Variants in TFDP1 observed in about 807,000 individuals in gnomAD.
The protein encoded by TFDP1 is DRTF1-polypeptide 1.
Under a neutral mutation model 48.0 loss-of-function variants are expected in TFDP1, and 6 were observed. That is an observed-to-expected ratio of 0.13 (90% CI 0.07 to 0.25). The LOEUF (loss-of-function observed/expected upper bound fraction) is 0.25. Among genes scored for constraint, TFDP1 ranks in the 10% least tolerant of loss-of-function variants. The probability of loss-of-function intolerance (pLI) is 1.00; values close to 1 mark genes in which losing one functional copy is unlikely to be tolerated. For synonymous variants in TFDP1, 201 were observed against 211.6 expected, an observed-to-expected ratio of 0.95 and a Z score of 0.44; for missense variants, 335 against 543.0, an observed-to-expected ratio of 0.62 and a Z score of 3.81.
intron 5 of TFDP1, among the ~76,000 whole-genome samples, chr13:113,632,198 C>CT (rs1399266659): frequency 3.9e-5 from 6 of 152,258 alleles, no homozygotes; most frequent in African/African-American, 1.4e-4. Context: ...AAAGCAAGAT[C>CT]TGATGAGCTG....
chr13:113,636,505 GTCTT>G (rs1455297498), intron 9 of TFDP1, 25 bp from the exon 10 acceptor site: 3 of 1,610,122 alleles, frequency 1.9e-6, no homozygotes, highest in African/African-American at 1.3e-5. Context: ...GGGAGACCCT[GTCTT>G]TCTGACTGTG....
At chr13:113,588,528 C>T (rs2048060239) in intron 2 of TFDP1, among the ~76,000 whole-genome samples, 1 of 152,192 alleles carries the variant, frequency 6.6e-6, no homozygotes, top group Non-Finnish European at 1.5e-5. Context: ...GAGGTCAGTC[C>T]TCTGGGGGTG....
chr13:113,634,844 T>C (rs1428942238), intron 8 of TFDP1, among the ~76,000 whole-genome samples: 1 of 151,588 alleles, frequency 6.6e-6, no homozygotes, highest in Non-Finnish European at 1.5e-5. Flanking sequence ...TGTGTGTGCA[T>C]GTGCCTGTGT....
intron 3 of TFDP1, among the ~76,000 whole-genome samples, chr13:113,616,154 G>C (rs1472204124): frequency 6.7e-6 from 1 of 149,700 alleles, no homozygotes; most frequent in East Asian, 2.0e-4. Context: ...AGTGAGCTGA[G>C]ATTGCTCCAC....
At chr13:113,629,203 C>T (rs1377217731) in intron 4 of TFDP1, among the ~76,000 whole-genome samples, 1 of 152,232 alleles carries the variant, frequency 6.6e-6, no homozygotes, top group Non-Finnish European at 1.5e-5. Context: ...CCCAGCACTG[C>T]ATGGGCCGGA....
intron 2 of TFDP1, among the ~76,000 whole-genome samples, chr13:113,589,997 A>G (rs1172623687): frequency 2.6e-5 from 4 of 152,222 alleles, no homozygotes; most frequent in Non-Finnish European, 4.4e-5. Flanking sequence ...TTCATCAAAC[A>G]TTACAGGGAT....
At chr13:113,590,743 G>A (rs1194447656) in intron 2 of TFDP1, among the ~76,000 whole-genome samples, 1 of 152,114 alleles carries the variant, frequency 6.6e-6, no homozygotes, top group Non-Finnish European at 1.5e-5. Context: ...GGGCGCAGTG[G>A]CTCACGCCTG....
intron 11 of TFDP1, among the ~76,000 whole-genome samples, chr13:113,638,800 TA>T (rs1452179541): frequency 6.6e-6 from 1 of 152,244 alleles, no homozygotes; most frequent in African/African-American, 2.4e-5. Context: ...ATGATTTTAT[TA>T]ACTTTTATAT....
At chr13:113,630,617 A>G (rs4150767) in intron 4 of TFDP1, among the ~76,000 whole-genome samples, 1 of 152,212 alleles carries the variant, frequency 6.6e-6, no homozygotes, top group African/African-American at 2.4e-5. Context: ...TCGCTGAGGC[A>G]CTTTGATTTG....
chr13:113,620,150 G>T (rs145607678), intron 3 of TFDP1, among the ~76,000 whole-genome samples: 5 of 152,190 alleles, frequency 3.3e-5, no homozygotes, highest in Non-Finnish European at 5.9e-5. Flanking sequence ...CAGGCCAGCC[G>T]GCCGGCCTGT....
intron 11 of TFDP1, among the ~76,000 whole-genome samples, chr13:113,639,727 G>T (rs1390425556): frequency 6.6e-6 from 1 of 152,220 alleles, no homozygotes; most frequent in African/African-American, 2.4e-5. Context: ...ACTCCATCCT[G>T]TCCTGCCCCG....
At chr13:113,631,595 C>T (rs1331841616) in intron 4 of TFDP1, 28 bp from the exon 5 acceptor site, 1 of 1,608,082 alleles carries the variant, frequency 6.2e-7, no homozygotes, top group South Asian at 1.1e-5. Flanking sequence ...AGGGGACTGA[C>T]TGTCTGAATT....
chr13:113,637,372 A>C, intron 10 of TFDP1: 2 of 347,472 alleles, frequency 5.8e-6, no homozygotes, highest in Middle Eastern at 1.0e-3. Flanking sequence ...ATCTTGTGAA[A>C]ATCTGGCTGG....
intron 3 of TFDP1, among the ~76,000 whole-genome samples, chr13:113,616,044 A>T (rs1368349555): frequency 6.6e-6 from 1 of 151,860 alleles, no homozygotes; most frequent in African/African-American, 2.4e-5. Context: ...CTCCACTAAA[A>T]ATATAAAAAT....
intron 4 of TFDP1, among the ~76,000 whole-genome samples, 183 bp from the exon 5 acceptor site, chr13:113,631,440 G>A (rs999128146): frequency 5.3e-5 from 8 of 152,192 alleles, no homozygotes; most frequent in Non-Finnish European, 1.2e-4. Context: ...TTCAGAACCG[G>A]TGGGGTGATG....
At chr13:113,614,152 ATG>A (rs376558205) in intron 3 of TFDP1, among the ~76,000 whole-genome samples, 20 of 148,602 alleles carry the variant, frequency 1.3e-4, no homozygotes, top group Admixed American at 3.3e-4. Context: ...GTGCGTGTGC[ATG>A]TGTGTGTGTT....
intron 2 of TFDP1, among the ~76,000 whole-genome samples, chr13:113,593,092 C>A (rs1222450329): frequency 6.9e-6 from 1 of 145,294 alleles, no homozygotes; most frequent in African/African-American, 2.6e-5. Context: ...GGTCCTCAGC[C>A]CTGCCCAGGT....
In TFDP1 at chr13:113,640,181, G is replaced by T; in HGVS notation, c.1147G>T (p.Gly383Cys). ...ATSSNGSQYSGSRVETPVSYV... is the reference protein window; with the variant it reads ...ATSSNGSQYSCSRVETPVSYV... Reference sequence around the variant, plus strand: ...AAGCTCCAATGGGTCTCAGTACAGCGGCTCCAGGGTGGAGACTCCGGTGTC... The same window carrying T: ...AAGCTCCAATGGGTCTCAGTACAGCTGCTCCAGGGTGGAGACTCCGGTGTC... Residue 383 changes from glycine (G) to cysteine (C), a missense_variant, in exon 12 of 12, where the codon GGC (glycine) becomes TGC (cysteine). Gly to Cys is a radical substitution (Grantham distance 159). This residue lies in a region of TFDP1 where 204 missense variants were observed against 287.1 expected (regional missense o/e 0.71). Coordinates refer to ENST00000375370, the MANE Select transcript of TFDP1 (RefSeq NM_007111.5). 1 of 1,613,444 alleles carries T rather than the reference G, an allele frequency of 6.2e-7. No individual in the cohort carries two copies. Among genetic ancestry groups the T allele is most frequent in the East Asian group, 2.2e-5 (1 of 44,780 alleles).
At chr13:113,589,606 C>G (rs1371071829) in intron 2 of TFDP1, among the ~76,000 whole-genome samples, 1 of 152,256 alleles carries the variant, frequency 6.6e-6, no homozygotes, top group Non-Finnish European at 1.5e-5. Flanking sequence ...CCTCTGGTTC[C>G]TGAACAGGGT....
Sources: allele counts gnomAD v4.1 joint callset (sites outside exome capture counted in the v4.1 genomes callset), GRCh38; gene constraint gnomAD v4.1.1; regional missense constraint gnomAD v4.1.1; transcripts MANE v1.5; gene names NCBI Gene and HGNC (gene_info 2026-07-23, HGNC 2026-07-21).